CSMD1: variants seen among roughly 807,000 people sequenced by gnomAD.
CSMD1 encodes CUB and Sushi multiple domains 1.
In CSMD1, 213 loss-of-function variants were observed where a neutral mutation model predicts 417.5. That is an observed-to-expected ratio of 0.51 (90% CI 0.46 to 0.57). CSMD1 has a LOEUF of 0.57. Ranked by LOEUF, CSMD1 falls within the 20% of genes least tolerant of loss-of-function variation. The pLI is 0.00. For synonymous variants in CSMD1, 2,862 were observed against 1,736.8 expected, an observed-to-expected ratio of 1.65 and a Z score of -16.11; for missense variants, 6,923 against 4,529.7, an observed-to-expected ratio of 1.53 and a Z score of -15.17.
At chr8:3,233,255 G>A (rs1798951252) in intron 26 of CSMD1, among the ~76,000 whole-genome samples, 1 of 152,036 alleles carries the variant, frequency 6.6e-6, no homozygotes, top group South Asian at 2.1e-4. Flanking sequence ...GTAAATTAGT[G>A]GATTAACGGA....
At chr8:3,776,907 G>C (rs1415226892) in intron 5 of CSMD1, among the ~76,000 whole-genome samples, 1 of 151,486 alleles carries the variant, frequency 6.6e-6, no homozygotes, top group Non-Finnish European at 1.5e-5. Context: ...CAGAGACGGG[G>C]TCTCACCATG....
At chr8:3,809,695 C>G (rs955114076) in intron 5 of CSMD1, among the ~76,000 whole-genome samples, 3 of 152,108 alleles carry the variant, frequency 2.0e-5, no homozygotes, top group African/African-American at 4.8e-5. Flanking sequence ...AACCACACTT[C>G]CAGAGACACT....
intron 5 of CSMD1, among the ~76,000 whole-genome samples, chr8:3,860,266 T>C (rs1465491086): frequency 1.3e-5 from 2 of 152,162 alleles, no homozygotes; most frequent in African/African-American, 4.8e-5. Flanking sequence ...CATTGTGAAG[T>C]TACTGAGAAC....
intron 23 of CSMD1, among the ~76,000 whole-genome samples, chr8:3,326,621 T>C (rs1463626774): frequency 6.6e-6 from 1 of 152,250 alleles, no homozygotes; most frequent in African/African-American, 2.4e-5. Context: ...ATTGTATGTT[T>C]GCATTCCCAG....
intron 3 of CSMD1, among the ~76,000 whole-genome samples, chr8:4,086,255 G>T (rs950871334): frequency 1.5e-4 from 23 of 151,936 alleles, no homozygotes; most frequent in Admixed American, 1.3e-4. Flanking sequence ...GACAAATAAG[G>T]AAGACCTCCA....
chr8:4,915,792 G>A (rs1806024642), intron 1 of CSMD1, among the ~76,000 whole-genome samples: 1 of 152,234 alleles, frequency 6.6e-6, no homozygotes, highest in African/African-American at 2.4e-5. Context: ...GACACTTGAT[G>A]CATAGAATAC....
At position 3,288,922 on chromosome 8, in the gene CSMD1, C is replaced by A. The variant is rs535355118; in HGVS notation, c.3951-4576G>T. On this transcript the variant is annotated intron_variant, in intron 25 of 69. Transcript: ENST00000635120. ...ACATGTGCCATGCTGGTGTGCTACA[C>A]CCATTAACTCATCATTTAACATTAG... Among the ~76,000 whole-genome samples, 133 of 146,914 alleles carry A rather than the reference C, an allele frequency of 9.1e-4. 18 individuals carry two copies. The highest frequency in any genetic ancestry group is 3.5e-3 in the African/African-American group (130 of 36,778).
chr8:4,725,716 C>G (rs916484454), intron 1 of CSMD1, among the ~76,000 whole-genome samples: 1 of 152,152 alleles, frequency 6.6e-6, no homozygotes, highest in Non-Finnish European at 1.5e-5. Flanking sequence ...CCATTTATCT[C>G]AGATAACAGA....
intron 1 of CSMD1, among the ~76,000 whole-genome samples, chr8:4,727,582 A>C (rs1441750074): frequency 6.6e-6 from 1 of 152,176 alleles, no homozygotes; most frequent in Non-Finnish European, 1.5e-5. Flanking sequence ...TTATTTTCTT[A>C]CCTAACGTCT....
intron 46 of CSMD1, among the ~76,000 whole-genome samples, chr8:3,105,592 T>G (rs893764770): frequency 3.9e-5 from 6 of 152,262 alleles, no homozygotes; most frequent in Non-Finnish European, 8.8e-5. Context: ...TCAGCCTCAG[T>G]ATCTTGTTCT....
intron 11 of CSMD1, among the ~76,000 whole-genome samples, chr8:3,492,842 C>T (rs574167574): frequency 6.6e-6 from 1 of 151,852 alleles, no homozygotes; most frequent in Non-Finnish European, 1.5e-5. Flanking sequence ...TTTTCCCCCC[C>T]ATGTCTGTTA....
intron 1 of CSMD1, among the ~76,000 whole-genome samples, chr8:4,951,811 C>G (rs918560341): frequency 5.3e-5 from 8 of 151,316 alleles, no homozygotes; most frequent in African/African-American, 1.9e-4. Context: ...GAGCCTTCTC[C>G]TTTGCACAAG....
chr8:3,172,844 A>T (rs1370413769), intron 37 of CSMD1, among the ~76,000 whole-genome samples: 3 of 152,220 alleles, frequency 2.0e-5, no homozygotes, highest in Non-Finnish European at 1.5e-5. Context: ...GCAACATTCT[A>T]AAACAACAGT....
At chr8:4,243,656 T>C (rs979276825) in intron 3 of CSMD1, among the ~76,000 whole-genome samples, 4 of 152,068 alleles carry the variant, frequency 2.6e-5, no homozygotes, top group African/African-American at 9.7e-5. Context: ...TTAAAACACA[T>C]GTGTGATATT....
At chr8:4,764,537 C>T (rs1047764117) in intron 1 of CSMD1, among the ~76,000 whole-genome samples, 3 of 152,014 alleles carry the variant, frequency 2.0e-5, no homozygotes, top group Admixed American at 6.6e-5. Context: ...AAGTGTTCTG[C>T]CCAAATTGGA....
chr8:3,224,752 T>C (rs917082121), intron 27 of CSMD1, among the ~76,000 whole-genome samples: 1 of 152,228 alleles, frequency 6.6e-6, no homozygotes, highest in Non-Finnish European at 1.5e-5. Context: ...ATGTGGTTAA[T>C]AGGCAAGCCA....
intron 3 of CSMD1, among the ~76,000 whole-genome samples, chr8:4,393,848 A>G (rs1252015692): frequency 6.6e-6 from 1 of 152,230 alleles, no homozygotes. Flanking sequence ...AGTTCTAGGA[A>G]TGTACACACA....
In CSMD1 at chr8:3,643,308, G is replaced by T. The variant is rs138659139; in HGVS notation, c.1010-26511C>A. Among the ~76,000 whole-genome samples, 94 of 152,080 alleles carry T rather than the reference G, an allele frequency of 6.2e-4. No individual in the cohort carries two copies. The East Asian group carries it at 0.017, about 28-fold the overall frequency. ...TGGATGGAAAGGAGGGACGGGCAAA[G>T]AAAGAGGTGAAAAAAAATGAGAGAA... On this transcript the variant is annotated intron_variant, in intron 7 of 69. Coordinates refer to ENST00000635120, the MANE Select transcript of CSMD1 (RefSeq NM_033225.6).
In CSMD1 at chr8:3,521,350, G is replaced by C. The variant is rs1200026298; in HGVS notation, c.1345-27624C>G. Among the ~76,000 whole-genome samples the C allele has an allele frequency of 2.0e-5, 3 of 152,020 alleles. No individual in the cohort carries two copies. The East Asian group carries it at 5.8e-4, about 29-fold the overall frequency. ...TTTTCACCTCTGTTTCTTTGCTGTTGGCCCTTCTCCCATGATGTCAGCCCT... is the reference window on the plus strand; with the variant it reads ...TTTTCACCTCTGTTTCTTTGCTGTTCGCCCTTCTCCCATGATGTCAGCCCT... On this transcript the variant is annotated intron_variant, in intron 10 of 69. Transcript: ENST00000635120.
Sources: gnomAD v4.1 joint callset for allele counts (sites outside exome capture counted in the v4.1 genomes callset) on GRCh38, gnomAD v4.1.1 for gene constraint, MANE v1.5 for transcripts, NCBI Gene and HGNC (gene_info 2026-07-23, HGNC 2026-07-21) for gene names.